The following PI4K2A variants were observed in gnomAD, a reference collection of about 807,000 sequenced individuals.
PI4K2A encodes the protein phosphatidylinositol 4-kinase type 2 alpha.
PI4K2A carries 20 observed loss-of-function variants against 55.0 expected under a neutral mutation model. That is an observed-to-expected ratio of 0.36 (90% CI 0.26 to 0.53). The LOEUF is 0.53. Ranked by LOEUF, PI4K2A falls within the 20% of genes least tolerant of loss-of-function variation. The pLI, the probability that PI4K2A is intolerant of heterozygous loss-of-function variation, is 0.91. For missense variants in PI4K2A, 463 were observed against 637.1 expected, an observed-to-expected ratio of 0.73 and a Z score of 2.94; for synonymous variants, 235 against 258.5, an observed-to-expected ratio of 0.91 and a Z score of 0.87.
chr10:97,663,908 A>G (rs1488064632), intron 5 of PI4K2A, among the ~76,000 whole-genome samples: 1 of 151,154 alleles, frequency 6.6e-6, no homozygotes, highest in Non-Finnish European at 1.5e-5. Context: ...AGCTCACAGC[A>G]GCCTTGGACT....
chr10:97,673,468 C>T, intron 8 of PI4K2A, 113 bp from the exon 9 acceptor site: 14 of 763,178 alleles, frequency 1.8e-5, no homozygotes, highest in South Asian at 4.8e-5. Flanking sequence ...CATGATTTTC[C>T]ATTGGTATTT....
chr10:97,642,871 T>TTCTTTCTTTCTTTCTTTC (rs2041482785), intron 1 of PI4K2A, among the ~76,000 whole-genome samples: 1 of 118,482 alleles, frequency 8.4e-6, no homozygotes, highest in African/African-American at 3.7e-5. Flanking sequence ...TTCTTTTTCT[T>TTCTTTCTTTCTTTCTTTC]TCTTTCTTTC....
At chr10:97,652,723 T>C (rs530140246) in intron 2 of PI4K2A, among the ~76,000 whole-genome samples, 1 of 152,316 alleles carries the variant, frequency 6.6e-6, no homozygotes, top group East Asian at 1.9e-4. Context: ...CCATGTCTGC[T>C]CCTTTGCTAC....
intron 5 of PI4K2A, among the ~76,000 whole-genome samples, chr10:97,663,331 A>G (rs1356805043): frequency 6.6e-6 from 1 of 152,154 alleles, no homozygotes; most frequent in African/African-American, 2.4e-5. Flanking sequence ...CTTTTCTCAC[A>G]ACAGACCGCA....
chr10:97,662,811 A>T, intron 4 of PI4K2A, 96 bp from the exon 5 acceptor site: 1 of 791,376 alleles, frequency 1.3e-6, no homozygotes, highest in Non-Finnish European at 2.3e-6. Context: ...TTCTCAGTAG[A>T]AGCGTTAGTC....
intron 8 of PI4K2A, among the ~76,000 whole-genome samples, chr10:97,667,640 A>C (rs938866228): frequency 2.4e-4 from 37 of 152,174 alleles, no homozygotes; most frequent in African/African-American, 7.5e-4. Context: ...GAAGCACTTA[A>C]TGTGCACTCA....
intron 4 of PI4K2A, among the ~76,000 whole-genome samples, chr10:97,661,625 A>G (rs898418806): frequency 3.3e-5 from 5 of 150,806 alleles, no homozygotes; most frequent in African/African-American, 1.2e-4. Flanking sequence ...CAAAATGCTG[A>G]GATTACAGGC....
chr10:97,676,124 CTG>C (rs371844256), exon 9 of PI4K2A: 1 of 152,400 alleles, frequency 6.6e-6, no homozygotes, highest in Non-Finnish European at 1.5e-5. Flanking sequence ...GCAAAGAAAC[CTG>C]TGTTTCCATG....
intron 1 of PI4K2A, among the ~76,000 whole-genome samples, chr10:97,643,613 T>C (rs1225092451): frequency 2.0e-5 from 3 of 152,146 alleles, no homozygotes; most frequent in African/African-American, 4.8e-5. Context: ...TCCTTTCTCA[T>C]AGGGGAAGTC....
chr10:97,667,367 G>A (rs1411564722), intron 8 of PI4K2A, among the ~76,000 whole-genome samples: 1 of 151,960 alleles, frequency 6.6e-6, no homozygotes, highest in Admixed American at 6.6e-5. Context: ...ATGTCACAAC[G>A]CCCGGCTAAT....
chr10:97,662,029 A>G (rs919812260), intron 4 of PI4K2A, among the ~76,000 whole-genome samples: 15 of 149,742 alleles, frequency 1.0e-4, no homozygotes, highest in Non-Finnish European at 1.6e-4. Context: ...TCTTATTTAC[A>G]ATTTGTTTAG....
At chr10:97,673,693 C>T (rs1324941833) in exon 9 of PI4K2A, 1 of 1,613,332 alleles carries the variant, frequency 6.2e-7, no homozygotes, top group Non-Finnish European at 8.5e-7. Context: ...TCTAGCGAGT[C>T]CTACACACAG....
Position 97,656,731 on chromosome 10 carries a change from T to A in PI4K2A, c.769-90T>A. 8.6e-7 allele frequency: 1 copy of A among 1,168,846 alleles called. No individual in the cohort carries two copies. Among genetic ancestry groups the A allele is most frequent in the Non-Finnish European group, 1.3e-6 (1 of 798,720 alleles). 72.4% of individuals were successfully genotyped at this position (1,168,846 alleles called of 1,614,324 possible). The stretch of plus-strand genomic sequence containing the variant: ...TTTTCCTTCTCTGATACAAACTCCA[T>A]AGGGCCTTAATGGGTATCTGGCATA... On this transcript the variant is annotated intron_variant, in intron 3 of 8. Coordinates refer to ENST00000370631, the Ensembl canonical transcript of PI4K2A. This position sits in a 1 kb window ranked among gnomAD's most constrained non-coding sequence, Gnocchi z 4.5.
exon 7 of PI4K2A, chr10:97,666,475 C>T (rs768318407): frequency 2.5e-6 from 4 of 1,613,616 alleles, no homozygotes; most frequent in South Asian, 1.1e-5. Context: ...AGGCGAAAGT[C>T]CCATTTTCTC....
At position 97,659,260 on chromosome 10, in the gene PI4K2A, C is replaced by G. The variant is rs115363283; in HGVS notation, c.922+2286C>G. Among the ~76,000 whole-genome samples the G allele has an allele frequency of 9.3e-3, 1,414 of 152,178 alleles. 26 individuals carry two copies. Among genetic ancestry groups the G allele is most frequent in the African/African-American group, 0.028 (1,169 of 41,472 alleles). On this transcript the variant is annotated intron_variant, in intron 4 of 8. Transcript: ENST00000370631. ...CGTTGCCCAGACTGGTCTCGAATTC[C>G]TGGGCTCAAGCAGTCCTCCTACCTC...
chr10:97,660,126 C>T (rs1018722423), intron 4 of PI4K2A, among the ~76,000 whole-genome samples: 7 of 151,022 alleles, frequency 4.6e-5, no homozygotes, highest in Non-Finnish European at 8.8e-5. Context: ...CTCAGCCTCC[C>T]GAGTAGCTGG....
At chr10:97,659,705 C>G (rs1207235382) in intron 4 of PI4K2A, among the ~76,000 whole-genome samples, 1 of 152,008 alleles carries the variant, frequency 6.6e-6, no homozygotes, top group Non-Finnish European at 1.5e-5. Context: ...ATCTGGCTGC[C>G]ATGTGGCTGA....
At chr10:97,674,956 C>G in exon 9 of PI4K2A, 1 of 153,094 alleles carries the variant, frequency 6.5e-6, no homozygotes, top group Non-Finnish European at 1.5e-5. Context: ...CAGCTCAGTG[C>G]GTATCTTCTT....
At chr10:97,655,817 T>G (rs2041551761) in intron 2 of PI4K2A, among the ~76,000 whole-genome samples, 1 of 152,098 alleles carries the variant, frequency 6.6e-6, no homozygotes, top group African/African-American at 2.4e-5. Flanking sequence ...TCAAGTGATC[T>G]GCCCACCTCG....
Sources: allele counts gnomAD v4.1 joint callset (sites outside exome capture counted in the v4.1 genomes callset), GRCh38; gene constraint gnomAD v4.1.1; non-coding constraint Gnocchi (gnomAD v3.1); transcripts MANE v1.5; gene names NCBI Gene and HGNC (gene_info 2026-07-23, HGNC 2026-07-21).